The following AEN variants were observed in gnomAD, a reference collection of about 807,000 sequenced individuals.
AEN encodes apoptosis enhancing nuclease.
In AEN, 21 loss-of-function variants were observed where a neutral mutation model predicts 17.7. That is an observed-to-expected ratio of 1.19 (90% CI 0.84 to 1.71). AEN has a LOEUF of 1.71. Ranked by LOEUF, AEN falls within the 40% of genes most tolerant of loss-of-function variation. AEN has a pLI of 0.00. For missense variants in AEN, 462 were observed against 435.9 expected, an observed-to-expected ratio of 1.06 and a Z score of -0.53; for synonymous variants, 190 against 173.0, an observed-to-expected ratio of 1.10 and a Z score of -0.77.
chr15:88,626,094 G>A, intron 1 of AEN, 52 bp from the exon 2 acceptor site: 1 of 1,205,734 alleles, frequency 8.3e-7, no homozygotes, highest in Non-Finnish European at 1.1e-6. Flanking sequence ...GGGTGGGTGG[G>A]CTGCCTGGCA....
chr15:88,618,117 T>C (rs902923883), upstream of AEN, among the ~76,000 whole-genome samples: 2 of 152,252 alleles, frequency 1.3e-5, no homozygotes, highest in African/African-American at 4.8e-5. Flanking sequence ...TGTAGATTTA[T>C]GGCCTGAGTG....
chr15:88,630,244 G>T lies in AEN; in HGVS notation c.928G>T (p.Ala310Ser). The change falls in exon 4 of 4, where the codon GCC (alanine) becomes TCC (serine). Residue 310 changes from alanine (A) to serine (S), a missense_variant. Transcript: ENST00000332810. This position sits in a 1 kb window ranked among gnomAD's most constrained non-coding sequence, Gnocchi z 5.1. ...GGACCAGTACTGGCCCGATGACCTGGCCCACGGCAGCAGAGGAGGAGCCAG... is the reference window on the plus strand; with the variant it reads ...GGACCAGTACTGGCCCGATGACCTGTCCCACGGCAGCAGAGGAGGAGCCAG... Reference protein sequence around the residue: ...MEDQYWPDDLAHGSRGGAREA... With the variant: ...MEDQYWPDDLSHGSRGGAREA... 6.3e-7 allele frequency: 1 copy of T among 1,599,104 alleles called. No individual in the cohort carries two copies. Among genetic ancestry groups the T allele is most frequent in the Non-Finnish European group, 8.5e-7 (1 of 1,173,344 alleles).
the AEN span, among the ~76,000 whole-genome samples, chr15:88,606,739 G>A: frequency 1.3e-5 from 2 of 152,188 alleles, no homozygotes; most frequent in African/African-American, 4.8e-5. Flanking sequence ...CCCGTCTGGG[G>A]AAATCCTGGA....
At chr15:88,621,115 C>T (rs2057780538), upstream of AEN, among the ~76,000 whole-genome samples, 1 of 152,214 alleles carries the variant, frequency 6.6e-6, no homozygotes, top group Admixed American at 6.5e-5. Flanking sequence ...GACAGGAGGT[C>T]AGTCTCCCTT....
Position 88,629,260 on chromosome 15 carries a change from G to A in AEN, c.575G>A (p.Gly192Glu), listed in dbSNP as rs867407409. ...CTCCTGAAGGGCAAGGTGGTGGTGGGGCACGCGCTGCACAACGACTTCCAG... is the reference window on the plus strand; with the variant it reads ...CTCCTGAAGGGCAAGGTGGTGGTGGAGCACGCGCTGCACAACGACTTCCAG... The part of the protein sequence containing the change: ...LKLLKGKVVV[G>E]HALHNDFQAL... Residue 192 changes from glycine to glutamate, a missense_variant, in exon 3 of 4, where the codon GGG becomes GAG. By Grantham distance (98) the Gly-to-Glu change is moderately conservative. Coordinates refer to ENST00000332810, the MANE Select transcript of AEN (RefSeq NM_022767.4). 1.2e-6 allele frequency: 2 copies of A among 1,613,976 alleles called. No homozygotes were observed. The highest frequency in any genetic ancestry group is 3.3e-5 in the Admixed American group (2 of 59,994).
At chr15:88,604,821 G>A in the AEN span, 1 of 152,466 alleles carries the variant, frequency 6.6e-6, no homozygotes, top group Non-Finnish European at 1.5e-5. This position sits in a 1 kb window ranked among gnomAD's most constrained non-coding sequence, Gnocchi z 8.1. Flanking sequence ...CCCCCGCACT[G>A]CGCTGCTACT....
At chr15:88,625,129 G>A (rs898964485) in intron 1 of AEN, among the ~76,000 whole-genome samples, 5 of 152,154 alleles carry the variant, frequency 3.3e-5, no homozygotes, top group Non-Finnish European at 7.3e-5. Context: ...CCGCTGGGTG[G>A]GAGCCCATCA....
the AEN span, among the ~76,000 whole-genome samples, chr15:88,605,403 A>G: frequency 6.6e-6 from 1 of 152,174 alleles, no homozygotes; most frequent in Non-Finnish European, 1.5e-5. The surrounding 1 kb of genome is among the most constrained non-coding windows in gnomAD (Gnocchi z 7.6). Context: ...TGTTGCATGC[A>G]GAAGAGCAGC....
chr15:88,614,755 G>C, the AEN span, among the ~76,000 whole-genome samples: 42,642 of 152,002 alleles, frequency 0.28, 6,191 homozygotes, highest in Non-Finnish European at 0.29. Flanking sequence ...CAGTCTCAGC[G>C]ACAAACTACT....
intron 1 of AEN, 181 bp downstream of exon 1, chr15:88,621,563 C>A (rs2057788544): frequency 6.6e-6 from 1 of 152,248 alleles, no homozygotes; most frequent in Non-Finnish European, 1.5e-5. Context: ...CTCCAGCCCT[C>A]GCTCTGCTCG....
the AEN span, among the ~76,000 whole-genome samples, chr15:88,607,219 A>C: frequency 6.6e-6 from 1 of 152,202 alleles, no homozygotes; most frequent in Non-Finnish European, 1.5e-5. Context: ...CTCTCATTTG[A>C]TTCCTCAAGA....
chr15:88,625,056 T>G (rs937540342), intron 1 of AEN, among the ~76,000 whole-genome samples: 1 of 152,180 alleles, frequency 6.6e-6, no homozygotes, highest in Non-Finnish European at 1.5e-5. Flanking sequence ...ATCAGACATT[T>G]CCTGTAGCAG....
At chr15:88,622,198 G>GA (rs202001387) in intron 1 of AEN, among the ~76,000 whole-genome samples, 3,562 of 152,226 alleles carry the variant, frequency 0.023, 127 homozygotes, top group African/African-American at 0.075. Context: ...CTTTAGGCCA[G>GA]ACCCCCTCCC....
chr15:88,626,418 C>A lies in AEN; in HGVS notation c.209C>A (p.Ala70Glu), dbSNP rs957501412. The change falls in exon 2 of 4, where the codon GCA becomes GAA. Residue 70 changes from alanine to glutamate, a missense_variant. By Grantham distance (107) the Ala-to-Glu change is moderately radical (BLOSUM62 -1). Transcript: ENST00000332810. The stretch of plus-strand genomic sequence containing the variant: ...TCCCCACTGCCCACCCCTTTCGGGG[C>A]AGCGACAGCAACTGAAGCTGCCAGC... ...GSSPLPTPFG[A>E]ATATEAASSG... The A allele has an allele frequency of 1.9e-6, 3 of 1,612,782 alleles. No homozygotes were observed. Among genetic ancestry groups the A allele is most frequent in the Admixed American group, 3.3e-5 (2 of 59,860 alleles).
upstream of AEN, among the ~76,000 whole-genome samples, chr15:88,620,150 G>T (rs79418869): frequency 0.013 from 1,957 of 152,030 alleles, 36 homozygotes; most frequent in African/African-American, 0.038. Context: ...TCTCATCACA[G>T]GTACGTTTCC....
At chr15:88,612,015 GA>G in the AEN span, 1 of 420,374 alleles carries the variant, frequency 2.4e-6, no homozygotes, top group East Asian at 9.3e-5. Context: ...GTGTTTCCTA[GA>G]AAACATCTCA....
At chr15:88,606,938 C>G in the AEN span, among the ~76,000 whole-genome samples, 3 of 148,694 alleles carry the variant, frequency 2.0e-5, no homozygotes, top group Non-Finnish European at 4.4e-5. Context: ...TTCCTATCCC[C>G]ACCCTCTCTT....
intron 1 of AEN, among the ~76,000 whole-genome samples, chr15:88,624,650 A>G (rs147682424): frequency 0.08 from 12,155 of 152,204 alleles, 567 homozygotes; most frequent in African/African-American, 0.12. Flanking sequence ...TTCGGAGGCC[A>G]AGGCAGGTGG....
chr15:88,622,221 G>A (rs1339600703), intron 1 of AEN, among the ~76,000 whole-genome samples: 5 of 152,182 alleles, frequency 3.3e-5, no homozygotes, highest in East Asian at 1.9e-4. Flanking sequence ...CCTGAAGGCC[G>A]GGTGTCTGAC....
Sources: gnomAD v4.1 joint callset for allele counts (sites outside exome capture counted in the v4.1 genomes callset) on GRCh38, gnomAD v4.1.1 for gene constraint, Gnocchi (gnomAD v3.1) non-coding constraint, MANE v1.5 for transcripts, NCBI Gene and HGNC (gene_info 2026-07-23, HGNC 2026-07-21) for gene names.